The following FAR1 variants were observed in gnomAD, a reference collection of about 807,000 sequenced individuals.
FAR1 encodes male sterility domain-containing protein 2.
Under a neutral mutation model 61.1 loss-of-function variants are expected in FAR1, and 22 were observed. The ratio of observed to expected loss-of-function variants is 0.36; its 90% CI spans 0.26 to 0.51. The LOEUF (loss-of-function observed/expected upper bound fraction) is 0.51, where lower values mean the gene tolerates loss of function less well. Ranked by LOEUF, FAR1 falls within the 20% of genes least tolerant of loss-of-function variation. The pLI is 0.95. For synonymous variants in FAR1, 206 were observed against 209.7 expected, an observed-to-expected ratio of 0.98 and a Z score of 0.15; for missense variants, 359 against 626.9, an observed-to-expected ratio of 0.57 and a Z score of 4.56.
intron 10 of FAR1, among the ~76,000 whole-genome samples, chr11:13,725,681 A>G (rs1006169166): frequency 1.6e-4 from 24 of 152,136 alleles, no homozygotes; most frequent in African/African-American, 5.1e-4. Flanking sequence ...GTAGAACTAT[A>G]TGGTGTATGT....
At chr11:13,702,623 C>T (rs920549190) in intron 3 of FAR1, among the ~76,000 whole-genome samples, 3 of 152,062 alleles carry the variant, frequency 2.0e-5, no homozygotes, top group Non-Finnish European at 2.9e-5. Context: ...ATTTTTTCCC[C>T]CATAGTTCTG....
At chr11:13,702,565 A>G (rs553092364) in intron 3 of FAR1, among the ~76,000 whole-genome samples, 2 of 152,224 alleles carry the variant, frequency 1.3e-5, no homozygotes, top group East Asian at 3.9e-4. Context: ...ATTTTTAGTG[A>G]TTTATCTTTT....
At chr11:13,695,345 C>T (rs1220423903) in intron 2 of FAR1, among the ~76,000 whole-genome samples, 3 of 152,056 alleles carry the variant, frequency 2.0e-5, no homozygotes, top group Non-Finnish European at 4.4e-5. Context: ...TTTATAAACA[C>T]CACTTACTCC....
intron 1 of FAR1, among the ~76,000 whole-genome samples, chr11:13,672,130 G>C (rs1245569864): frequency 6.6e-6 from 1 of 152,098 alleles, no homozygotes; most frequent in Non-Finnish European, 1.5e-5. Context: ...AGATATTAAT[G>C]TTTGGGCTGG....
chr11:13,669,762 C>G (rs1303452861), intron 1 of FAR1: 1 of 152,230 alleles, frequency 6.6e-6, no homozygotes, highest in Non-Finnish European at 1.5e-5. Flanking sequence ...CTCCTGCCAT[C>G]CCTGTGACAG....
chr11:13,670,140 C>T (rs1165390348), intron 1 of FAR1: 3 of 152,110 alleles, frequency 2.0e-5, no homozygotes, highest in African/African-American at 7.2e-5. Context: ...GATCATAGCT[C>T]GTTCCAGCCT....
chr11:13,717,367 A>G (rs573543720), intron 9 of FAR1, among the ~76,000 whole-genome samples: 8 of 152,324 alleles, frequency 5.3e-5, no homozygotes, highest in Admixed American at 3.9e-4. Context: ...GATGGTAAGC[A>G]TAGGATAATG....
At chr11:13,727,804 G>A (rs1319181961) in intron 11 of FAR1, 121 bp downstream of exon 11, 2 of 909,162 alleles carry the variant, frequency 2.2e-6, no homozygotes, top group African/African-American at 3.5e-5. Context: ...ATTTTTAATG[G>A]TAATCTCTTA....
intron 1 of FAR1, among the ~76,000 whole-genome samples, chr11:13,669,080 C>G (rs1004104695): frequency 2.0e-5 from 3 of 152,054 alleles, no homozygotes; most frequent in African/African-American, 7.2e-5. Flanking sequence ...CCGCGGAGCC[C>G]GGGGAGCCGC....
intron 1 of FAR1, among the ~76,000 whole-genome samples, chr11:13,676,521 A>G (rs953910131): frequency 1.2e-4 from 19 of 152,092 alleles, no homozygotes; most frequent in African/African-American, 4.6e-4. Context: ...GGAGCTTAGA[A>G]ACTGTTTTTG....
chr11:13,727,117 T>G (rs1441327618), intron 10 of FAR1, among the ~76,000 whole-genome samples: 2 of 152,034 alleles, frequency 1.3e-5, no homozygotes, highest in Non-Finnish European at 2.9e-5. Context: ...AGATGTTGTT[T>G]TCATAACGCA....
At chr11:13,670,342 G>A (rs913073073) in intron 1 of FAR1, among the ~76,000 whole-genome samples, 1 of 152,142 alleles carries the variant, frequency 6.6e-6, no homozygotes, top group Non-Finnish European at 1.5e-5. Flanking sequence ...AGGCTGGAGT[G>A]CAGTGACGCG....
rs61253307 is a variant in FAR1, at chr11:13,708,447, GCACACACA to G, written c.545+391_545+398del. Among the ~76,000 whole-genome samples, 58 of 136,732 alleles carry G rather than the reference GCACACACA, an allele frequency of 4.2e-4. No individual in the cohort carries two copies. In the East Asian group the frequency reaches 7.7e-3, roughly 18 times the overall value. The allele number at this position is 136,732 out of a possible 152,430, so 89.7% of individuals were successfully genotyped here. The stretch of plus-strand genomic sequence containing the variant: ...CCCATATACATGTGCGCGCGCGCGC[GCACACACA>G]CACACACACACACACACACACATAC... On this transcript the variant is annotated intron_variant, in intron 4 of 11. Transcript: ENST00000354817.
intron 1 of FAR1, among the ~76,000 whole-genome samples, chr11:13,681,009 G>C (rs956644725): frequency 2.6e-5 from 4 of 152,158 alleles, no homozygotes; most frequent in African/African-American, 9.7e-5. Context: ...TGTAAAACAA[G>C]TTGTCTTGCT....
chr11:13,719,905 T>C (rs1848592749), intron 9 of FAR1: 3 of 152,188 alleles, frequency 2.0e-5, no homozygotes. Context: ...TTTTTTTAAG[T>C]TGCCATAATA....
intron 10 of FAR1, chr11:13,723,270 TGGGA>T: frequency 6.4e-6 from 2 of 310,728 alleles, no homozygotes; most frequent in Non-Finnish European, 6.1e-6. Context: ...GAGGCTGAGG[TGGGA>T]GGATCAGTTG....
chr11:13,708,105 A>C (rs756671215), intron 4 of FAR1, 26 bp downstream of exon 4: 1 of 1,503,478 alleles, frequency 6.7e-7, no homozygotes, highest in Non-Finnish European at 8.9e-7. Flanking sequence ...ATTTATATAC[A>C]TTTACTTTGA....
intron 1 of FAR1, among the ~76,000 whole-genome samples, chr11:13,680,132 A>C (rs1848111374): frequency 6.6e-6 from 1 of 152,230 alleles, no homozygotes; most frequent in Non-Finnish European, 1.5e-5. Flanking sequence ...GAAAATGCTC[A>C]ATAAGCCTTA....
intron 1 of FAR1, among the ~76,000 whole-genome samples, chr11:13,681,970 T>C (rs1848132668): frequency 6.6e-6 from 1 of 152,164 alleles, no homozygotes; most frequent in Non-Finnish European, 1.5e-5. Flanking sequence ...CAGGATTATG[T>C]TATGTGCTCT....
Sources: gnomAD v4.1 joint callset for allele counts (sites outside exome capture counted in the v4.1 genomes callset) on GRCh38, gnomAD v4.1.1 for gene constraint, MANE v1.5 for transcripts, NCBI Gene and HGNC (gene_info 2026-07-23, HGNC 2026-07-21) for gene names.